ITGB4: variants seen among roughly 807,000 people sequenced by gnomAD.
ITGB4 encodes integrin beta-4.
A neutral mutation model predicts 207.6 loss-of-function variants in ITGB4; 159 were observed. The observed-to-expected ratio is 0.77, with a 90% CI of 0.67 to 0.87. The LOEUF (loss-of-function observed/expected upper bound fraction) is 0.87, where lower values mean the gene tolerates loss of function less well. Ranked by LOEUF, ITGB4 falls within the 40% of genes least tolerant of loss-of-function variation. The pLI is 0.00. For synonymous variants in ITGB4, 1,020 were observed against 1,062.7 expected (o/e 0.96, Z 0.78); for missense variants, 2,278 against 2,546.8 (o/e 0.89, Z 2.27).
chr17:75,741,029 G>A, intron 23 of ITGB4, 24 bp downstream of exon 23: 1 of 1,610,320 alleles, frequency 6.2e-7, no homozygotes, highest in Middle Eastern at 1.7e-4. Flanking sequence ...TCGTGGGTGA[G>A]AGGGCCCCCA....
rs755175595 is a variant in ITGB4 at position 75,756,504 on chromosome 17, C to T, written c.4784C>T (p.Ser1595Phe). The T allele has an allele frequency of 1.2e-6, 2 of 1,613,386 alleles. No homozygotes were observed. Among genetic ancestry groups the T allele is most frequent in the Non-Finnish European group, 1.7e-6 (2 of 1,180,024 alleles). ...VVVEDLLPNHSYVFRVRAQSQ... is the reference protein window; with the variant it reads ...VVVEDLLPNHFYVFRVRAQSQ... ...GTGGAAGACCTCCTGCCCAACCACTCCTACGTGTTCCGCGTGCGGGCCCAG... is the reference window on the plus strand; with the variant it reads ...GTGGAAGACCTCCTGCCCAACCACTTCTACGTGTTCCGCGTGCGGGCCCAG... Residue 1595 changes from serine to phenylalanine, a missense_variant, in exon 36 of 40, where the codon TCC becomes TTC. Transcript: ENST00000200181.
At chr17:75,755,952 C>G in intron 35 of ITGB4, 102 bp downstream of exon 35, 1 of 1,390,122 alleles carries the variant, frequency 7.2e-7, no homozygotes, top group Non-Finnish European at 9.9e-7. Flanking sequence ...CCACCCAAGT[C>G]CCTTGAGCGC....
In ITGB4 at chr17:75,730,368, A is replaced by T; in HGVS notation, c.866A>T (p.His289Leu). The stretch of plus-strand genomic sequence containing the variant: ...ATGAGCCGCAACGATGAACGGTGCC[A>T]CCTGGACACCACGGGCACCTACACC... ...GIMSRNDERC[H>L]LDTTGTYTQY... is the part of the protein sequence containing the mutation. Residue 289 changes from histidine (H) to leucine (L), a missense_variant, in exon 8 of 40, where the codon CAC becomes CTC. By Grantham distance (99) the His-to-Leu change is moderately conservative (BLOSUM62 -3). Transcript: ENST00000200181. 1 of 1,613,886 alleles carries T rather than the reference A, an allele frequency of 6.2e-7. No homozygotes were observed.
chr17:75,753,593 C>T (rs1403053987), intron 32 of ITGB4, among the ~76,000 whole-genome samples, 172 bp from the exon 33 acceptor site: 1 of 152,172 alleles, frequency 6.6e-6, no homozygotes, highest in Non-Finnish European at 1.5e-5. Context: ...TTTCACCTGC[C>T]GCGGCCTTCC....
In ITGB4 at chr17:75,757,789, T is replaced by C. The variant is rs898148851; in HGVS notation, c.*234T>C. ...CAGCACAAGGACCCAGCCTTTGTTC[T>C]GCACTTAATAAATGGTTTTGCTACT... On this transcript the variant is annotated 3_prime_UTR_variant, in exon 40 of 40. Transcript: ENST00000200181. 6.0e-6 allele frequency: 4 copies of C among 672,228 alleles called. No homozygotes were observed. Among genetic ancestry groups the C allele is most frequent in the Non-Finnish European group, 7.6e-6 (3 of 392,572 alleles). The allele number at this position is 672,228 out of a possible 1,614,324, so 41.6% of individuals were successfully genotyped here. A position where few individuals can be genotyped will look rare whatever the true frequency, so the allele number is the denominator to read the frequency against.
rs1393340418 is a variant in ITGB4 at position 75,757,028 on chromosome 17, G to T, written c.5139G>T (p.Lys1713Asn). 1 of 1,612,978 alleles carries T rather than the reference G, an allele frequency of 6.2e-7. No individual in the cohort carries two copies. Among genetic ancestry groups the T allele is most frequent in the Admixed American group, 1.7e-5 (1 of 60,026 alleles). ...GCCTCAGCGAGAACGTGCCCTACAAGTTCAAGGTGCAGGCCAGGACCACTG... is the reference window on the plus strand; with the variant it reads ...GCCTCAGCGAGAACGTGCCCTACAATTTCAAGGTGCAGGCCAGGACCACTG... ...VPGLSENVPYKFKVQARTTEG... is the reference protein window; with the variant it reads ...VPGLSENVPYNFKVQARTTEG... Residue 1713 changes from lysine (K) to asparagine (N), a missense_variant, in exon 38 of 40, where the codon AAG becomes AAT. Lys to Asn is a moderately conservative substitution (Grantham distance 94). Coordinates refer to ENST00000200181, the MANE Select transcript of ITGB4 (RefSeq NM_000213.5).
At chr17:75,728,630 C>T (rs2060778870) in intron 6 of ITGB4, among the ~76,000 whole-genome samples, 157 bp downstream of exon 6, 1 of 152,154 alleles carries the variant, frequency 6.6e-6, no homozygotes, top group Admixed American at 6.5e-5. Context: ...GGGCAGATCA[C>T]CTGAGGTCAG....
rs111568842 is a variant in ITGB4, at chr17:75,750,178, C to T, written c.3384C>T (p.Gly1128=). 598 of 1,613,876 alleles carry T rather than the reference C, an allele frequency of 3.7e-4. 4 individuals carry two copies. The African/African-American group carries it at 7.0e-3, about 19-fold the overall frequency. The change falls in exon 28 of 40, where the codon GGC becomes GGT. Residue 1128 remains glycine (G), a synonymous_variant. Transcript: ENST00000200181. This position sits in a 1 kb window ranked among gnomAD's most constrained non-coding sequence, Gnocchi z 5.5. ...AGCCACCCCCTCACGGCGACCTGGG[C>T]GCCCCGCAGAACCCCAATGCTAAGG... ...SSQPPPHGDL[G]APQNPNAKAA...
Position 75,733,794 on chromosome 17 carries a change from T to G in ITGB4, c.1657+102T>G, listed in dbSNP as rs2060916605. The G allele has an allele frequency of 3.8e-6, 5 of 1,300,248 alleles. No individual in the cohort carries two copies. In the East Asian group the frequency reaches 1.2e-4, roughly 32 times the overall value. The allele number at this position is 1,300,248 out of a possible 1,614,324, so 80.5% of individuals were successfully genotyped here. A position where few individuals can be genotyped will look rare whatever the true frequency, so the allele number is the denominator to read the frequency against. ...CAGGTTGGGAGAGCCAGACTTGGAA[T>G]CAGAATCCCCAAGTTCAGGCCCAGC... On this transcript the variant is annotated intron_variant, in intron 13 of 39. Transcript: ENST00000200181.
chr17:75,756,440 C>G lies in ITGB4; in HGVS notation c.4720C>G (p.Arg1574Gly). Residue 1574 changes from arginine (R) to glycine (G), a missense_variant, in exon 36 of 40, where the codon CGG (arginine) becomes GGG (glycine). Physicochemically the swap from Arg to Gly is moderately radical, Grantham distance 125 (BLOSUM62 -2). Transcript: ENST00000200181. ...YQLLNGGELH[R>G]LNIPNPAQTS... ...CCTGATCCCCCCAGGTGAGCTGCAT[C>G]GGCTCAACATCCCCAACCCTGCCCA... 6.2e-7 allele frequency: 1 copy of G among 1,613,246 alleles called. No individual in the cohort carries two copies. Among genetic ancestry groups the G allele is most frequent in the Admixed American group, 1.7e-5 (1 of 60,008 alleles).
chr17:75,728,309 GT>G, intron 5 of ITGB4, 67 bp from the exon 6 acceptor site: 1 of 1,370,482 alleles, frequency 7.3e-7, no homozygotes, highest in Admixed American at 1.7e-5. Context: ...CCAGCCCTTG[GT>G]GGGGGGCCCG....
rs554562007 is a variant in ITGB4 at position 75,746,761 on chromosome 17, G to A, written c.3112-2080G>A. The stretch of plus-strand genomic sequence containing the variant: ...TCAAGACCAGCCTGGCCAACATGGC[G>A]AAACCCTGTCTGTACCAAAAATACA... On this transcript the variant is annotated intron_variant, in intron 26 of 39. Transcript: ENST00000200181. Among the ~76,000 whole-genome samples the A allele has an allele frequency of 7.9e-5, 12 of 151,604 alleles. No individual in the cohort carries two copies. The East Asian group carries it at 2.2e-3, about 27-fold the overall frequency.
At position 75,724,699 on chromosome 17, in the gene ITGB4, A is replaced by G. The variant is rs756011701; in HGVS notation, c.-5A>G. The G allele has an allele frequency of 6.2e-7, 1 of 1,612,868 alleles. No homozygotes were observed. The highest frequency in any genetic ancestry group is 1.1e-5 in the South Asian group (1 of 91,074). ...CAATTGTTGCTGTTCTGCAGGAGGA[A>G]GAGGATGGCAGGGCCACGCCCCAGC... On this transcript the variant is annotated 5_prime_UTR_variant, in exon 2 of 40. Transcript: ENST00000200181.
At position 75,730,968 on chromosome 17, in the gene ITGB4, A is replaced by G. The variant is rs1010692580; in HGVS notation, c.1092+4A>G. The G allele has an allele frequency of 6.2e-7, 1 of 1,611,808 alleles. No individual in the cohort carries two copies. The highest frequency in any genetic ancestry group is 8.5e-7 in the Non-Finnish European group (1 of 1,178,372). On this transcript the variant is annotated splice_donor_region_variant and intron_variant, in intron 9 of 39. Coordinates refer to ENST00000200181, the MANE Select transcript of ITGB4 (RefSeq NM_000213.5). Reference sequence around the variant, plus strand: ...GCTGCTGGAGGAGGCCTTCAATGTGAGGGCAGCTCAGGCTCCAGAGTCTGA... The same window carrying G: ...GCTGCTGGAGGAGGCCTTCAATGTGGGGGCAGCTCAGGCTCCAGAGTCTGA...
chr17:75,734,480 G>A (rs972964816), intron 13 of ITGB4, among the ~76,000 whole-genome samples: 2 of 152,014 alleles, frequency 1.3e-5, no homozygotes, highest in Non-Finnish European at 2.9e-5. Flanking sequence ...TACCTGGAAG[G>A]CCTGGAGCTT....
At chr17:75,745,737 G>C (rs1254438390) in intron 26 of ITGB4, among the ~76,000 whole-genome samples, 4 of 152,032 alleles carry the variant, frequency 2.6e-5, no homozygotes, top group Admixed American at 6.6e-5. Context: ...AAATTAGCTG[G>C]GCATGGTGAC....
In ITGB4 at chr17:75,730,888, A is replaced by G. The variant is rs755767760; in HGVS notation, c.1016A>G (p.Tyr339Cys). The G allele has an allele frequency of 1.2e-6, 2 of 1,613,258 alleles. No individual in the cohort carries two copies. Among genetic ancestry groups the G allele is most frequent in the African/African-American group, 1.3e-5 (1 of 74,940 alleles). ...TCTCTCCCGCAGAAGCTTCACACCTATTTCCCTGTCTCCTCACTGGGGGTG... is the reference window on the plus strand; with the variant it reads ...TCTCTCCCGCAGAAGCTTCACACCTGTTTCCCTGTCTCCTCACTGGGGGTG... The part of the protein sequence containing the change: ...SYSYYEKLHT[Y>C]FPVSSLGVLQ... Residue 339 changes from tyrosine to cysteine, a missense_variant, in exon 9 of 40, where the codon TAT becomes TGT. Transcript: ENST00000200181.
intron 13 of ITGB4, among the ~76,000 whole-genome samples, chr17:75,735,809 G>A (rs1055604802): frequency 3.3e-5 from 5 of 152,218 alleles, no homozygotes; most frequent in South Asian, 4.1e-4. Context: ...GGGAGCAGGA[G>A]CCACATGATT....
At chr17:75,734,402 C>T (rs820172) in intron 13 of ITGB4, among the ~76,000 whole-genome samples, 38,745 of 151,820 alleles carry the variant, frequency 0.26, 5,186 homozygotes, top group East Asian at 0.43. Flanking sequence ...TCCCAAAGTA[C>T]ACATCTGTAA....
Sources: allele counts gnomAD v4.1 joint callset (sites outside exome capture counted in the v4.1 genomes callset), GRCh38; gene constraint gnomAD v4.1.1; non-coding constraint Gnocchi (gnomAD v3.1); transcripts MANE v1.5; gene names NCBI Gene and HGNC (gene_info 2026-07-23, HGNC 2026-07-21).